Variants in KAZN observed in about 807,000 individuals in gnomAD.
The protein encoded by KAZN is kazrin, periplakin interacting protein, also known as kazrin.
Under a neutral mutation model 87.4 loss-of-function variants are expected in KAZN, and 40 were observed. The ratio of observed to expected loss-of-function variants is 0.46; its 90% CI spans 0.36 to 0.60. The LOEUF is 0.60. Ranked by LOEUF, KAZN falls within the 20% of genes least tolerant of loss-of-function variation. The pLI, the probability that KAZN is intolerant of heterozygous loss-of-function variation, is 0.00. For missense variants in KAZN, 898 were observed against 1,073.9 expected, an observed-to-expected ratio of 0.84 and a Z score of 2.29; for synonymous variants, 466 against 458.3, an observed-to-expected ratio of 1.02 and a Z score of -0.22.
chr1:14,050,914 C>T (rs924345195), intron 1 of KAZN, among the ~76,000 whole-genome samples: 1 of 152,184 alleles, frequency 6.6e-6, no homozygotes, highest in Admixed American at 6.5e-5. Flanking sequence ...TTATGACAAA[C>T]AAGCATCATT....
intron 1 of KAZN, among the ~76,000 whole-genome samples, chr1:14,637,896 A>G (rs1680114824): frequency 6.6e-6 from 1 of 152,154 alleles, no homozygotes. Context: ...GAGGCCAGAA[A>G]TCCAAAATCA....
chr1:14,752,568 G>A (rs1439738801), intron 1 of KAZN, among the ~76,000 whole-genome samples: 1 of 152,150 alleles, frequency 6.6e-6, no homozygotes, highest in African/African-American at 2.4e-5. Flanking sequence ...GCGCCTTCTT[G>A]CTATGTCCTC....
At chr1:14,718,140 G>T (rs80003151) in intron 1 of KAZN, among the ~76,000 whole-genome samples, 1 of 152,194 alleles carries the variant, frequency 6.6e-6, no homozygotes, top group Non-Finnish European at 1.5e-5. Context: ...CTGTCCAGTC[G>T]CATTTTCGAT....
chr1:14,529,109 G>C (rs893289207), intron 2 of KAZN, among the ~76,000 whole-genome samples: 12 of 152,246 alleles, frequency 7.9e-5, no homozygotes, highest in African/African-American at 2.4e-4. Context: ...TTCGAGACCA[G>C]CATGACCAGC....
chr1:14,270,978 C>T (rs538348553), intron 2 of KAZN, among the ~76,000 whole-genome samples: 9 of 152,292 alleles, frequency 5.9e-5, no homozygotes, highest in Non-Finnish European at 1.2e-4. Context: ...CTACAGTGTC[C>T]GTTTGCTCCG....
chr1:14,460,878 A>C, intron 2 of KAZN, among the ~76,000 whole-genome samples: 1 of 152,158 alleles, frequency 6.6e-6, no homozygotes, highest in East Asian at 1.9e-4. Flanking sequence ...CAAGATAAGG[A>C]GTTTATACTC....
At chr1:13,994,140 T>G (rs1398574976) in intron 1 of KAZN, among the ~76,000 whole-genome samples, 1 of 152,170 alleles carries the variant, frequency 6.6e-6, no homozygotes, top group Non-Finnish European at 1.5e-5. Context: ...TTAATTTGGT[T>G]CCAGAATATT....
chr1:14,504,429 A>T (rs967239619), intron 2 of KAZN, among the ~76,000 whole-genome samples: 1 of 152,232 alleles, frequency 6.6e-6, no homozygotes, highest in African/African-American at 2.4e-5. Context: ...AATGCCAGGC[A>T]TTTTCTCTTG....
intron 7 of KAZN, among the ~76,000 whole-genome samples, chr1:15,064,864 G>A (rs905986003): frequency 1.3e-5 from 2 of 152,176 alleles, no homozygotes; most frequent in African/African-American, 4.8e-5. Flanking sequence ...ACCACAGGCA[G>A]TGGCCGAGTG....
intron 8 of KAZN, among the ~76,000 whole-genome samples, chr1:15,086,340 G>T (rs1640256950): frequency 6.6e-6 from 1 of 152,202 alleles, no homozygotes; most frequent in South Asian, 2.1e-4. Context: ...CTCTATAGCA[G>T]AAATGAAGAC....
intron 2 of KAZN, among the ~76,000 whole-genome samples, chr1:14,208,752 C>G (rs1283978824): frequency 3.3e-5 from 5 of 152,134 alleles, no homozygotes; most frequent in Non-Finnish European, 1.5e-5. Context: ...TAGTCTCAGC[C>G]AGCAACATGC....
At chr1:13,899,791 G>A (rs1639178762) in intron 1 of KAZN, among the ~76,000 whole-genome samples, 1 of 151,936 alleles carries the variant, frequency 6.6e-6, no homozygotes, top group Admixed American at 6.6e-5. Flanking sequence ...TTACAGGTTT[G>A]TGCCACCATG....
chr1:14,701,356 C>G (rs1181837486), intron 1 of KAZN, among the ~76,000 whole-genome samples: 1 of 152,314 alleles, frequency 6.6e-6, no homozygotes, highest in Non-Finnish European at 1.5e-5. Context: ...GTCGTGAACT[C>G]CTGGACTCAA....
chr1:14,276,056 G>A (rs1652319116), intron 2 of KAZN, among the ~76,000 whole-genome samples: 1 of 152,118 alleles, frequency 6.6e-6, no homozygotes, highest in Non-Finnish European at 1.5e-5. Context: ...GGGGACCCAT[G>A]AGGCCAAGGC....
At chr1:13,928,846 C>CT (rs35452839) in intron 1 of KAZN, among the ~76,000 whole-genome samples, 4,663 of 147,026 alleles carry the variant, frequency 0.032, 215 homozygotes, top group African/African-American at 0.11. Flanking sequence ...TTGAAGAAAT[C>CT]TTTTTTTTTT....
rs1439696053 is a variant in KAZN at position 14,941,076 on chromosome 1, C to A, written c.227-19608C>A. Among the ~76,000 whole-genome samples the A allele has an allele frequency of 3.9e-5, 6 of 152,086 alleles. No individual in the cohort carries two copies. The East Asian group carries it at 1.2e-3, about 29-fold the overall frequency. ...GACTACAGGCGAGCGCCGCCACACCCAGCTAAATTTTTGTATCTTTTAGTG... is the reference window on the plus strand; with the variant it reads ...GACTACAGGCGAGCGCCGCCACACCAAGCTAAATTTTTGTATCTTTTAGTG... On this transcript the variant is annotated intron_variant, in intron 1 of 14. Transcript: ENST00000376030.
intron 2 of KAZN, among the ~76,000 whole-genome samples, chr1:14,330,047 C>G (rs1656734222): frequency 6.6e-6 from 1 of 152,222 alleles, no homozygotes; most frequent in Non-Finnish European, 1.5e-5. Context: ...AGGGCACACT[C>G]AAGCTCCTGA....
intron 1 of KAZN, among the ~76,000 whole-genome samples, chr1:14,830,226 G>A (rs1034431795): frequency 2.6e-5 from 4 of 152,146 alleles, no homozygotes; most frequent in Non-Finnish European, 5.9e-5. Context: ...TCACAGACAG[G>A]CTTTCCCTGA....
chr1:14,480,549 ATATT>A (rs1669013086), intron 2 of KAZN, among the ~76,000 whole-genome samples: 1 of 147,588 alleles, frequency 6.8e-6, no homozygotes, highest in South Asian at 2.1e-4. Context: ...TATAATTTAT[ATATT>A]TATGTATATT....
Sources: allele counts gnomAD v4.1 joint callset (sites outside exome capture counted in the v4.1 genomes callset), GRCh38; gene constraint gnomAD v4.1.1; transcripts MANE v1.5; gene names NCBI Gene and HGNC (gene_info 2026-07-23, HGNC 2026-07-21).